Variants in ESRRG observed in about 807,000 individuals in gnomAD.
ESRRG encodes the protein estrogen-related receptor gamma.
In ESRRG, 13 loss-of-function variants were observed where a neutral mutation model predicts 44.0. That is an observed-to-expected ratio of 0.30 (90% CI 0.19 to 0.47). The LOEUF is 0.47. Among genes scored for constraint, ESRRG ranks in the 20% least tolerant of loss-of-function variants. The probability of loss-of-function intolerance (pLI) is 1.00; values close to 1 mark genes in which losing one functional copy is unlikely to be tolerated. For missense variants in ESRRG, 395 were observed against 580.6 expected (o/e 0.68, Z 3.29); for synonymous variants, 215 against 214.6 (o/e 1.00, Z -0.02).
At chr1:216,790,964 C>T (rs2148077298) in intron 2 of ESRRG, among the ~76,000 whole-genome samples, 1 of 152,184 alleles carries the variant, frequency 6.6e-6, no homozygotes, top group East Asian at 1.9e-4. Flanking sequence ...TATTTATCTC[C>T]AAGATTTTTG....
intron 2 of ESRRG, among the ~76,000 whole-genome samples, chr1:216,729,016 A>G (rs1389743360): frequency 6.6e-6 from 1 of 152,200 alleles, no homozygotes; most frequent in Non-Finnish European, 1.5e-5. Flanking sequence ...ATTACAGGTC[A>G]TTCTGGAACA....
At chr1:217,066,101 T>C (rs2089614112) in intron 1 of ESRRG, among the ~76,000 whole-genome samples, 1 of 152,372 alleles carries the variant, frequency 6.6e-6, no homozygotes, top group East Asian at 1.9e-4. Flanking sequence ...CTATAAGTCG[T>C]GGCTATCGCT....
intron 1 of ESRRG, among the ~76,000 whole-genome samples, chr1:216,703,952 G>GAATC (rs1245472422): frequency 3.2e-4 from 49 of 152,084 alleles, no homozygotes; most frequent in African/African-American, 1.2e-3. Context: ...AGGTAAAAAG[G>GAATC]AATCAATCAC....
chr1:216,541,889 T>G (rs2052909987), intron 5 of ESRRG, among the ~76,000 whole-genome samples: 1 of 151,670 alleles, frequency 6.6e-6, no homozygotes, highest in Non-Finnish European at 1.5e-5. Context: ...TCCCTGAGAG[T>G]GATCACACAG....
chr1:216,869,056 T>A lies in ESRRG; in HGVS notation c.-14+70526A>T, dbSNP rs543030591. Among the ~76,000 whole-genome samples the A allele has an allele frequency of 1.2e-3, 183 of 152,312 alleles. 2 individuals are homozygous for A. In the South Asian group the frequency reaches 0.016, roughly 14 times the overall value. On this transcript the variant is annotated intron_variant, in intron 2 of 7. Coordinates refer to the ESRRG transcript ENST00000359162. Reference sequence around the variant, plus strand: ...CTTAATAGTGAGAGTGCAAACATTTTAAATTTTGTTGGAGACCAATTTATC... The same window carrying A: ...CTTAATAGTGAGAGTGCAAACATTTAAAATTTTGTTGGAGACCAATTTATC...
chr1:217,065,044 T>C (rs1347046897), intron 1 of ESRRG, among the ~76,000 whole-genome samples: 1 of 152,194 alleles, frequency 6.6e-6, no homozygotes, highest in Non-Finnish European at 1.5e-5. Context: ...GGGGACTCTA[T>C]AGCTCCTTGA....
At chr1:216,623,919 T>C (rs2062725963) in intron 3 of ESRRG, among the ~76,000 whole-genome samples, 1 of 151,644 alleles carries the variant, frequency 6.6e-6, no homozygotes, top group Non-Finnish European at 1.5e-5. Flanking sequence ...CAAGGGCATA[T>C]ATTCAGGTGG....
At chr1:216,662,492 T>C (rs1358680697) in intron 2 of ESRRG, among the ~76,000 whole-genome samples, 2 of 152,162 alleles carry the variant, frequency 1.3e-5, no homozygotes, top group Admixed American at 6.6e-5. Flanking sequence ...TCCTGGCATG[T>C]AGTCTGTACC....
chr1:217,063,140 C>A (rs1187045552), intron 1 of ESRRG, among the ~76,000 whole-genome samples: 1 of 152,082 alleles, frequency 6.6e-6, no homozygotes, highest in East Asian at 1.9e-4. Context: ...TAGGAGATTG[C>A]AGTTTCAGCA....
intron 2 of ESRRG, among the ~76,000 whole-genome samples, chr1:216,804,264 G>C (rs1382697558): frequency 6.6e-6 from 1 of 152,020 alleles, no homozygotes; most frequent in African/African-American, 2.4e-5. Context: ...TAACAACCCC[G>C]GGCCGGCAGC....
intron 3 of ESRRG, among the ~76,000 whole-genome samples, chr1:216,629,821 AT>A (rs2063812742): frequency 6.6e-6 from 1 of 152,182 alleles, no homozygotes; most frequent in Non-Finnish European, 1.5e-5. Context: ...AAAATACCAA[AT>A]CATACCCACA....
intron 1 of ESRRG, among the ~76,000 whole-genome samples, chr1:217,020,219 G>A (rs1661003677): frequency 1.3e-5 from 2 of 152,164 alleles, no homozygotes; most frequent in Admixed American, 6.5e-5. Context: ...TCACTAAGGA[G>A]AGCCGATATC....
intron 3 of ESRRG, among the ~76,000 whole-genome samples, chr1:216,577,888 A>T (rs1021953276): frequency 1.6e-4 from 25 of 152,092 alleles, no homozygotes; most frequent in African/African-American, 5.6e-4. Context: ...GAGCCTATGA[A>T]GCTCAAAGAG....
intron 6 of ESRRG, among the ~76,000 whole-genome samples, chr1:216,511,547 T>TCACACACACACACACACACACACACACA (rs79870471): frequency 0.13 from 18,567 of 144,350 alleles, 1,500 homozygotes; most frequent in Non-Finnish European, 0.17. Context: ...ATACATAAAT[T>TCACACACACACACACACACACACACACA]CACACACACA....
intron 2 of ESRRG, among the ~76,000 whole-genome samples, chr1:216,839,554 T>G (rs960443482): frequency 1.3e-5 from 2 of 152,222 alleles, no homozygotes; most frequent in Non-Finnish European, 2.9e-5. Context: ...AGCTATAGCA[T>G]TATAAAAGGC....
chr1:217,096,905 G>C (rs750614190), intron 1 of ESRRG, among the ~76,000 whole-genome samples: 2 of 152,186 alleles, frequency 1.3e-5, no homozygotes, highest in Admixed American at 6.5e-5. Context: ...GCCTGCATCT[G>C]TTCCAATTCT....
rs1373334895 is a variant in ESRRG, at chr1:216,536,812, A to C, written c.863-17391T>G. On this transcript the variant is annotated intron_variant, in intron 5 of 6. Transcript: ENST00000408911. ...TGAATGCAACAAAAGAAAAATATGG[A>C]TTCTTTGGGGCCTTATATTCAAGGG... 2.0e-5 allele frequency among the ~76,000 whole-genome samples: 3 copies of C among 152,032 alleles called. No individual in the cohort carries two copies. In the South Asian group the frequency reaches 6.2e-4, roughly 32 times the overall value.
At chr1:216,554,701 G>T (rs1019425976) in intron 5 of ESRRG, among the ~76,000 whole-genome samples, 14 of 152,086 alleles carry the variant, frequency 9.2e-5, no homozygotes, top group African/African-American at 2.7e-4. Flanking sequence ...CTGTCAGTTA[G>T]TACAACTTTC....
intron 2 of ESRRG, among the ~76,000 whole-genome samples, chr1:216,739,640 T>G (rs2090415735): frequency 6.6e-6 from 1 of 152,182 alleles, no homozygotes; most frequent in African/African-American, 2.4e-5. Flanking sequence ...CTGTGCTTTA[T>G]CAAGTCCTCC....
Sources: allele counts gnomAD v4.1 joint callset (sites outside exome capture counted in the v4.1 genomes callset), GRCh38; gene constraint gnomAD v4.1.1; transcripts MANE v1.5; gene names NCBI Gene and HGNC (gene_info 2026-07-23, HGNC 2026-07-21).